The following RABGAP1L variants were observed in gnomAD, a reference collection of about 807,000 sequenced individuals.
RABGAP1L encodes the protein rab GTPase-activating protein 1-like.
A neutral mutation model predicts 137.7 loss-of-function variants in RABGAP1L; 63 were observed. That is an observed-to-expected ratio of 0.46 (90% confidence interval 0.37 to 0.56). The LOEUF (loss-of-function observed/expected upper bound fraction) is 0.56, where lower values mean the gene tolerates loss of function less well. RABGAP1L is among the 20% of genes least tolerant of loss of function. The pLI, the probability that RABGAP1L is intolerant of heterozygous loss-of-function variation, is 0.00. For synonymous variants in RABGAP1L, 431 were observed against 433.7 expected (o/e 0.99, Z 0.08); for missense variants, 1,095 against 1,244.0 (o/e 0.88, Z 1.80).
chr1:174,758,289 C>G (rs1261029351), intron 18 of RABGAP1L, among the ~76,000 whole-genome samples: 2 of 151,802 alleles, frequency 1.3e-5, no homozygotes, highest in African/African-American at 4.8e-5. Flanking sequence ...TTTCCTCACT[C>G]CTTTTTCCCC....
At chr1:174,524,183 ATTGTTGTTG>A (rs757046562) in intron 13 of RABGAP1L, among the ~76,000 whole-genome samples, 1,536 of 151,814 alleles carry the variant, frequency 0.01, 14 homozygotes, top group Non-Finnish European at 0.015. Flanking sequence ...TGGTAGTTCT[ATTGTTGTTG>A]TTGTTGTTGT....
At position 174,550,972 on chromosome 1, in the gene RABGAP1L, A is replaced by ATG. The variant is rs1419692027; in HGVS notation, c.1711-86401_1711-86400dup. On this transcript the variant is annotated intron_variant, in intron 13 of 25. Coordinates refer to ENST00000681986, the MANE Select transcript of RABGAP1L (RefSeq NM_001366446.1). ...CACATATATATACACATATATATAC[A>ATG]TGTATATATACATATATATATATAC... Among the ~76,000 whole-genome samples, 23 of 96,108 alleles carry ATG rather than the reference A, an allele frequency of 2.4e-4. 1 individual carries two copies. The highest frequency in any genetic ancestry group is 1.3e-3 in the African/African-American group (20 of 15,390). The allele number at this position is 96,108 out of a possible 152,430, so 63.1% of individuals were successfully genotyped here. A position where few individuals can be genotyped will look rare whatever the true frequency, so the allele number is the denominator to read the frequency against.
chr1:174,430,100 C>T (rs1652441832), intron 13 of RABGAP1L, among the ~76,000 whole-genome samples: 1 of 152,096 alleles, frequency 6.6e-6, no homozygotes, highest in South Asian at 2.1e-4. Context: ...AAACCCTTCA[C>T]AGGGCTGCGT....
chr1:174,343,526 G>A (rs1571309383), intron 11 of RABGAP1L, among the ~76,000 whole-genome samples: 2 of 152,052 alleles, frequency 1.3e-5, no homozygotes, highest in African/African-American at 4.8e-5. Context: ...TTACAAGTGA[G>A]GCTTAGCAAG....
intron 13 of RABGAP1L, among the ~76,000 whole-genome samples, chr1:174,501,804 G>T (rs1175753156): frequency 6.6e-6 from 1 of 151,732 alleles, no homozygotes; most frequent in African/African-American, 2.4e-5. Context: ...TTCCAAATAG[G>T]TTTTCAGTGG....
chr1:174,195,785 T>TTTTCGTTCTTTC (rs1667622332), intron 1 of RABGAP1L, among the ~76,000 whole-genome samples: 1 of 112,828 alleles, frequency 8.9e-6, no homozygotes, highest in African/African-American at 3.6e-5. Context: ...CCTTTCTTTC[T>TTTTCGTTCTTTC]TTTCTTTCTT....
rs1339822434 is a variant in RABGAP1L at position 174,688,381 on chromosome 1, A to G, written c.1899+4785A>G. On this transcript the variant is annotated intron_variant, in intron 15 of 25. Transcript: ENST00000681986. ...TTTAAGGTTAAATTACTGTATGTAT[A>G]CTAATATTGGCATTTATAGAAGCTT... Among the ~76,000 whole-genome samples the G allele has an allele frequency of 2.0e-5, 3 of 152,222 alleles. No individual in the cohort carries two copies. The East Asian group carries it at 5.8e-4, about 29-fold the overall frequency.
At chr1:174,241,735 A>G (rs970364868) in intron 5 of RABGAP1L, 78 bp downstream of exon 5, 3 of 1,159,258 alleles carry the variant, frequency 2.6e-6, no homozygotes, top group African/African-American at 3.1e-5. Flanking sequence ...TCACTGTTGT[A>G]TAAATATGTT....
At chr1:174,591,191 TG>T (rs1195536548) in intron 13 of RABGAP1L, among the ~76,000 whole-genome samples, 2 of 738 alleles carry the variant, frequency 2.7e-3, no homozygotes, top group African/African-American at 0.037. Flanking sequence ...CACTTTTTGA[TG>T]GGGTTGTTTG....
intron 14 of RABGAP1L, among the ~76,000 whole-genome samples, chr1:174,663,231 T>A (rs1031177864): frequency 1.3e-5 from 2 of 152,188 alleles, no homozygotes; most frequent in Non-Finnish European, 2.9e-5. Context: ...TATACAGGTG[T>A]GCCATTTTTA....
At chr1:174,178,292 T>C (rs572190668) in intron 1 of RABGAP1L, among the ~76,000 whole-genome samples, 2 of 152,310 alleles carry the variant, frequency 1.3e-5, no homozygotes, top group East Asian at 3.9e-4. Flanking sequence ...TGTATAGGAA[T>C]GCTTGTGATT....
At chr1:174,874,387 A>C in intron 19 of RABGAP1L, 1 of 791,924 alleles carries the variant, frequency 1.3e-6, no homozygotes, top group Non-Finnish European at 1.5e-6. Flanking sequence ...AAACCTAGCG[A>C]AGTTAAATGA....
intron 14 of RABGAP1L, among the ~76,000 whole-genome samples, chr1:174,663,654 T>C (rs1230968473): frequency 2.0e-5 from 3 of 152,200 alleles, no homozygotes; most frequent in Non-Finnish European, 4.4e-5. Flanking sequence ...TATTTGCAAA[T>C]TCACCTACTT....
intron 10 of RABGAP1L, among the ~76,000 whole-genome samples, chr1:174,283,983 G>A (rs1420955556): frequency 6.6e-6 from 1 of 151,892 alleles, no homozygotes; most frequent in Non-Finnish European, 1.5e-5. Flanking sequence ...TTCATCTCAG[G>A]GTATAATTGA....
At chr1:174,654,454 C>G (rs1675811559) in intron 14 of RABGAP1L, among the ~76,000 whole-genome samples, 1 of 152,156 alleles carries the variant, frequency 6.6e-6, no homozygotes, top group African/African-American at 2.4e-5. Flanking sequence ...AAAAACTTTT[C>G]AGGCTACATT....
At chr1:174,479,912 T>A (rs1658914678) in intron 13 of RABGAP1L, among the ~76,000 whole-genome samples, 1 of 152,202 alleles carries the variant, frequency 6.6e-6, no homozygotes, top group Non-Finnish European at 1.5e-5. Context: ...GAAACATCTA[T>A]ATCTTTAATA....
intron 18 of RABGAP1L, among the ~76,000 whole-genome samples, chr1:174,781,770 C>T (rs1307374874): frequency 1.3e-5 from 2 of 152,148 alleles, no homozygotes; most frequent in East Asian, 3.9e-4. Flanking sequence ...GATCCAGTTT[C>T]AGGTTTCTAC....
intron 12 of RABGAP1L, among the ~76,000 whole-genome samples, chr1:174,393,497 T>C (rs1327626637): frequency 6.6e-6 from 1 of 151,962 alleles, no homozygotes; most frequent in Non-Finnish European, 1.5e-5. Flanking sequence ...TACTGTGGAG[T>C]CTGTCTTTGG....
intron 16 of RABGAP1L, among the ~76,000 whole-genome samples, chr1:174,701,743 C>CAACAA (rs1679670224): frequency 1.5e-5 from 2 of 133,152 alleles, no homozygotes; most frequent in African/African-American, 5.6e-5. Flanking sequence ...ACTCTTATCT[C>CAACAA]AAAAAAAAAA....
Sources: gnomAD v4.1 joint callset for allele counts (sites outside exome capture counted in the v4.1 genomes callset) on GRCh38, gnomAD v4.1.1 for gene constraint, MANE v1.5 for transcripts, NCBI Gene and HGNC (gene_info 2026-07-23, HGNC 2026-07-21) for gene names.